Variants in PTPRD observed in about 807,000 individuals in gnomAD.
PTPRD encodes receptor-type tyrosine-protein phosphatase delta.
In PTPRD, 34 loss-of-function variants were observed where a neutral mutation model predicts 214.5. The observed-to-expected ratio is 0.16, with a 90% CI of 0.12 to 0.21. The LOEUF (loss-of-function observed/expected upper bound fraction) is 0.21. Among genes scored for constraint, PTPRD ranks in the 10% least tolerant of loss-of-function variants. PTPRD has a pLI of 1.00. For missense variants in PTPRD, 2,545 were observed against 2,398.7 expected (o/e 1.06, Z -1.27); for synonymous variants, 1,128 against 845.7 (o/e 1.33, Z -5.79).
chr9:9,891,954 T>C (rs2073478772), intron 5 of PTPRD, among the ~76,000 whole-genome samples: 1 of 152,134 alleles, frequency 6.6e-6, no homozygotes, highest in South Asian at 2.1e-4. Flanking sequence ...TTTATCACCA[T>C]GTTCCAAGGC....
intron 8 of PTPRD, among the ~76,000 whole-genome samples, chr9:9,465,662 C>T (rs867693106): frequency 7.9e-5 from 12 of 152,072 alleles, no homozygotes; most frequent in Non-Finnish European, 1.5e-5. Flanking sequence ...TTTTCTATGC[C>T]CCAAACCCAA....
chr9:9,100,642 T>A (rs1054342355), intron 10 of PTPRD, among the ~76,000 whole-genome samples: 1 of 152,134 alleles, frequency 6.6e-6, no homozygotes, highest in Non-Finnish European at 1.5e-5. Flanking sequence ...CAAACAGATG[T>A]AAGCATCTTT....
intron 11 of PTPRD, among the ~76,000 whole-genome samples, chr9:8,749,178 T>A (rs994187048): frequency 7.9e-5 from 12 of 152,202 alleles, no homozygotes; most frequent in African/African-American, 2.6e-4. Flanking sequence ...AGTTGGGATT[T>A]TTTGTTTTTG....
intron 3 of PTPRD, among the ~76,000 whole-genome samples, chr9:10,063,846 A>T (rs751311926): frequency 9.2e-5 from 14 of 151,982 alleles, no homozygotes; most frequent in Non-Finnish European, 2.1e-4. Context: ...AAAACAAAAA[A>T]CAAAAACAAC....
intron 9 of PTPRD, among the ~76,000 whole-genome samples, chr9:9,269,429 A>G (rs1367912618): frequency 6.8e-6 from 1 of 147,980 alleles, no homozygotes; most frequent in African/African-American, 2.5e-5. Context: ...TACAGCCACT[A>G]TGAAAACAAT....
chr9:9,076,248 T>C (rs2099750990), intron 10 of PTPRD, among the ~76,000 whole-genome samples: 1 of 152,124 alleles, frequency 6.6e-6, no homozygotes, highest in African/African-American at 2.4e-5. Flanking sequence ...GTTTGATTTT[T>C]TCTTGTAAAT....
chr9:9,903,483 G>T (rs2076867465), intron 5 of PTPRD, among the ~76,000 whole-genome samples: 1 of 151,978 alleles, frequency 6.6e-6, no homozygotes, highest in African/African-American at 2.4e-5. Context: ...ACACAGATCA[G>T]GTACCCAATA....
chr9:9,847,199 A>C (rs2059700194), intron 5 of PTPRD, among the ~76,000 whole-genome samples: 1 of 152,122 alleles, frequency 6.6e-6, no homozygotes, highest in Admixed American at 6.6e-5. Flanking sequence ...CCTGTACATG[A>C]TTAAAAATAA....
At position 10,047,162 on chromosome 9, in the gene PTPRD, T is replaced by C. The variant is rs192287704; in HGVS notation, c.-544-13372A>G. ...AATTATTATTTTGTGAACATAAAAT[T>C]ACAATGTTTGAAGACTACAATATGA... On this transcript the variant is annotated intron_variant, in intron 3 of 45. Coordinates refer to ENST00000381196, the MANE Select transcript of PTPRD (RefSeq NM_002839.4). 1.2e-3 allele frequency among the ~76,000 whole-genome samples: 179 copies of C among 152,104 alleles called. 1 individual carries two copies. The highest frequency in any genetic ancestry group is 3.9e-3 in the African/African-American group (163 of 41,544).
chr9:9,041,725 TA>T (rs1438861114), intron 10 of PTPRD, among the ~76,000 whole-genome samples: 10 of 152,174 alleles, frequency 6.6e-5, no homozygotes, highest in Admixed American at 1.3e-4. Flanking sequence ...AAGGCATCTC[TA>T]AAACCACCTA....
intron 2 of PTPRD, among the ~76,000 whole-genome samples, chr9:10,579,807 G>C (rs1050289586): frequency 6.6e-6 from 1 of 152,054 alleles, no homozygotes; most frequent in Non-Finnish European, 1.5e-5. Flanking sequence ...CGTTCTAACT[G>C]GTGTGAGATA....
rs186894114 is a variant in PTPRD, at chr9:10,049,298, C to T, written c.-544-15508G>A. On this transcript the variant is annotated intron_variant, in intron 3 of 45. Coordinates refer to ENST00000381196, the MANE Select transcript of PTPRD (RefSeq NM_002839.4). ...CATTATTTTCCTGCTTCTTGTGGGT[C>T]CATACTTAGAAACTGGCCCTGCATC... 1.2e-3 allele frequency among the ~76,000 whole-genome samples: 177 copies of T among 151,642 alleles called. 1 individual carries two copies. The highest frequency in any genetic ancestry group is 3.9e-3 in the African/African-American group (161 of 41,344).
intron 35 of PTPRD, among the ~76,000 whole-genome samples, chr9:8,407,074 T>G (rs915478531): frequency 1.3e-5 from 2 of 152,214 alleles, no homozygotes; most frequent in African/African-American, 4.8e-5. Flanking sequence ...TCTTGCCACA[T>G]GTTTTCAGCC....
At chr9:10,492,789 G>C (rs1187997500) in intron 2 of PTPRD, among the ~76,000 whole-genome samples, 1 of 152,082 alleles carries the variant, frequency 6.6e-6, no homozygotes, top group Non-Finnish European at 1.5e-5. Context: ...CTATGCCCAT[G>C]TCTATGTCCT....
intron 9 of PTPRD, among the ~76,000 whole-genome samples, chr9:9,365,786 C>T (rs1304082993): frequency 6.6e-6 from 1 of 151,410 alleles, no homozygotes; most frequent in East Asian, 1.9e-4. Flanking sequence ...CTCAAACAGA[C>T]ATTTTTCACA....
At chr9:10,210,909 C>G (rs1190442166) in intron 3 of PTPRD, among the ~76,000 whole-genome samples, 1 of 148,242 alleles carries the variant, frequency 6.7e-6, no homozygotes, top group Non-Finnish European at 1.5e-5. Context: ...AAGTTCAGAG[C>G]TGATGCTAAA....
At chr9:9,925,175 T>G (rs1399996314) in intron 5 of PTPRD, among the ~76,000 whole-genome samples, 1 of 152,082 alleles carries the variant, frequency 6.6e-6, no homozygotes, top group Non-Finnish European at 1.5e-5. Flanking sequence ...GCTCACAAAT[T>G]TTTAGTGGCA....
intron 12 of PTPRD, among the ~76,000 whole-genome samples, chr9:8,702,411 C>T (rs954669943): frequency 6.6e-6 from 1 of 152,012 alleles, no homozygotes. Flanking sequence ...TGGATTCATT[C>T]AACAAACATT....
intron 12 of PTPRD, among the ~76,000 whole-genome samples, chr9:8,643,447 G>C (rs948340655): frequency 6.6e-6 from 1 of 152,196 alleles, no homozygotes; most frequent in Non-Finnish European, 1.5e-5. Context: ...TTATGAGTGA[G>C]AGAACTTCTG....
Sources: gnomAD v4.1 joint callset for allele counts (sites outside exome capture counted in the v4.1 genomes callset) on GRCh38, gnomAD v4.1.1 for gene constraint, MANE v1.5 for transcripts, NCBI Gene and HGNC (gene_info 2026-07-23, HGNC 2026-07-21) for gene names.